The following CCDC148 variants were observed in gnomAD, a reference collection of about 807,000 sequenced individuals.
The protein encoded by CCDC148 is coiled-coil domain containing 148.
CCDC148 carries 89 observed loss-of-function variants against 85.7 expected under a neutral mutation model. That is an observed-to-expected ratio of 1.04 (90% CI 0.87 to 1.24). The LOEUF (loss-of-function observed/expected upper bound fraction) is 1.24, where lower values mean the gene tolerates loss of function less well. CCDC148 is among the 50% of genes most tolerant of loss of function. CCDC148 has a pLI of 0.00. For synonymous variants in CCDC148, 230 were observed against 213.9 expected (o/e 1.08, Z -0.66); for missense variants, 692 against 671.7 (o/e 1.03, Z -0.33).
chr2:158,216,828 G>A (rs1438629694), intron 11 of CCDC148, among the ~76,000 whole-genome samples: 1 of 151,968 alleles, frequency 6.6e-6, no homozygotes, highest in Non-Finnish European at 1.5e-5. Context: ...GATAGGAATC[G>A]CTTATATTTA....
At chr2:158,370,636 C>T (rs1482180145) in intron 1 of CCDC148, among the ~76,000 whole-genome samples, 1 of 151,798 alleles carries the variant, frequency 6.6e-6, no homozygotes, top group African/African-American at 2.4e-5. Context: ...CATTATAAAA[C>T]ATTATGGACT....
At chr2:158,419,569 T>C (rs990234370) in intron 1 of CCDC148, among the ~76,000 whole-genome samples, 5 of 152,196 alleles carry the variant, frequency 3.3e-5, no homozygotes, top group Admixed American at 6.5e-5. Flanking sequence ...ATTTGTAAAA[T>C]AGGATTAGTA....
At chr2:158,333,305 T>A (rs1693245804) in intron 7 of CCDC148, among the ~76,000 whole-genome samples, 1 of 152,230 alleles carries the variant, frequency 6.6e-6, no homozygotes, top group Admixed American at 6.5e-5. Context: ...GAGCAGGTTG[T>A]TCAGTTTCCA....
chr2:158,443,501 C>CAAAAAAAAAAAAAAAAAAGAA (rs1688025973), intron 1 of CCDC148, among the ~76,000 whole-genome samples: 1 of 59,334 alleles, frequency 1.7e-5, no homozygotes, highest in Non-Finnish European at 3.5e-5. Context: ...AAGTCTATCT[C>CAAAAAAAAAAAAAAAAAAGAA]AAAAAAAAAA....
In CCDC148 at chr2:158,250,820, T is replaced by C. The variant is rs750091068; in HGVS notation, c.1203A>G (p.Lys401=). ...RRREKEEEKE[K]LWKKKELLQR... ...GCAACAATTCCTTCTTCTTCCACAGTTTCTCTTTCTCCTCTTCCTTTTCTC... is the reference window on the plus strand; with the variant it reads ...GCAACAATTCCTTCTTCTTCCACAGCTTCTCTTTCTCCTCTTCCTTTTCTC... The change falls in exon 10 of 14, where the codon AAA becomes AAG. Residue 401 remains lysine, a synonymous_variant. Coordinates refer to ENST00000283233, the MANE Select transcript of CCDC148 (RefSeq NM_138803.4). 2 of 1,603,448 alleles carry C rather than the reference T, an allele frequency of 1.2e-6. No individual in the cohort carries two copies. The highest frequency in any genetic ancestry group is 1.7e-6 in the Non-Finnish European group (2 of 1,176,396).
intron 9 of CCDC148, among the ~76,000 whole-genome samples, chr2:158,306,817 T>TA (rs776168267): frequency 4.1e-5 from 6 of 145,588 alleles, no homozygotes; most frequent in Admixed American, 1.4e-4. Flanking sequence ...CCCTAGAACT[T>TA]AGAGTATAAT....
chr2:158,259,359 C>A (rs1289024854), intron 9 of CCDC148, among the ~76,000 whole-genome samples: 1 of 151,888 alleles, frequency 6.6e-6, no homozygotes, highest in Non-Finnish European at 1.5e-5. Context: ...AGAACAGGGA[C>A]CATAACTGAT....
At chr2:158,291,118 T>C (rs1343443942) in intron 9 of CCDC148, among the ~76,000 whole-genome samples, 6 of 152,022 alleles carry the variant, frequency 3.9e-5, no homozygotes, top group African/African-American at 1.2e-4. Context: ...TCCTCTTTTA[T>C]ATATATTTTG....
chr2:158,310,398 T>C (rs902102577), intron 8 of CCDC148, among the ~76,000 whole-genome samples: 2 of 152,208 alleles, frequency 1.3e-5, no homozygotes, highest in Admixed American at 1.3e-4. Context: ...GCGACAAAAC[T>C]GCCATCCTCA....
chr2:158,171,527 C>T lies in CCDC148; in HGVS notation c.*586G>A, dbSNP rs947790526. On this transcript the variant is annotated 3_prime_UTR_variant, in exon 14 of 14. Coordinates refer to ENST00000283233, the MANE Select transcript of CCDC148 (RefSeq NM_138803.4). ...TATTTCCAAACCAAAACAGATATTCCCATGCTTGAAATGCTATTTCTAATT... is the reference window on the plus strand; with the variant it reads ...TATTTCCAAACCAAAACAGATATTCTCATGCTTGAAATGCTATTTCTAATT... 6.6e-6 allele frequency: 1 copy of T among 151,612 alleles called. No individual in the cohort carries two copies. Among genetic ancestry groups the T allele is most frequent in the African/African-American group, 2.4e-5 (1 of 41,286 alleles). 9.4% of individuals were successfully genotyped at this position (151,612 alleles called of 1,614,324 possible).
In CCDC148 at chr2:158,338,922, A is replaced by G; in HGVS notation, c.583-15T>C. ...TGATCTAGAATCTGAAAAAAAGTATATGATTATTTTATTTAACATAAACGA... is the reference window on the plus strand; with the variant it reads ...TGATCTAGAATCTGAAAAAAAGTATGTGATTATTTTATTTAACATAAACGA... On this transcript the variant is annotated splice_polypyrimidine_tract_variant and intron_variant, in intron 6 of 13. Coordinates refer to ENST00000283233, the MANE Select transcript of CCDC148 (RefSeq NM_138803.4). 1 of 1,600,974 alleles carries G rather than the reference A, an allele frequency of 6.2e-7. No individual in the cohort carries two copies. Among genetic ancestry groups the G allele is most frequent in the Non-Finnish European group, 8.5e-7 (1 of 1,175,046 alleles).
intron 3 of CCDC148, among the ~76,000 whole-genome samples, chr2:158,344,130 G>T (rs1035496180): frequency 1.3e-5 from 2 of 151,818 alleles, no homozygotes; most frequent in African/African-American, 4.8e-5. Context: ...CTTCCTAATG[G>T]CTTTCCTTTT....
At chr2:158,292,613 A>C (rs1482008904) in intron 9 of CCDC148, among the ~76,000 whole-genome samples, 2 of 152,136 alleles carry the variant, frequency 1.3e-5, no homozygotes, top group African/African-American at 4.8e-5. Flanking sequence ...TCACTGCCTA[A>C]AGTTTCCCTA....
chr2:158,252,857 C>T (rs7573649), intron 9 of CCDC148, among the ~76,000 whole-genome samples: 72,111 of 146,300 alleles, frequency 0.49, 17,937 homozygotes, highest in South Asian at 0.7. Flanking sequence ...CTATGTTAAA[C>T]TCTTTAAGAC....
chr2:158,221,079 A>C (rs549381469), intron 10 of CCDC148, among the ~76,000 whole-genome samples: 2 of 152,344 alleles, frequency 1.3e-5, no homozygotes, highest in East Asian at 3.9e-4. Context: ...TTATCTTCTT[A>C]TGGTAATGCA....
intron 1 of CCDC148, among the ~76,000 whole-genome samples, chr2:158,359,233 A>G (rs1008371542): frequency 1.2e-4 from 18 of 152,330 alleles, no homozygotes; most frequent in African/African-American, 4.3e-4. Context: ...TAAATCGAAC[A>G]AAACATGTAC....
At position 158,200,255 on chromosome 2, in the gene CCDC148, T is replaced by G. The variant is rs1371305460; in HGVS notation, c.1370+20340A>C. Among the ~76,000 whole-genome samples the G allele has an allele frequency of 2.0e-5, 3 of 152,344 alleles. No individual in the cohort carries two copies. The East Asian group carries it at 5.8e-4, about 29-fold the overall frequency. ...CATGATATTAAGTTTTCTGAAGCAC[T>G]TAAGGAATGCTGTTTAATTTAAAGT... On this transcript the variant is annotated intron_variant, in intron 11 of 13. Transcript: ENST00000283233.
chr2:158,282,078 CG>C (rs1354324852), intron 9 of CCDC148, among the ~76,000 whole-genome samples: 1 of 151,410 alleles, frequency 6.6e-6, no homozygotes, highest in Non-Finnish European at 1.5e-5. Context: ...AATTCAACAA[CG>C]CTTCATGCTA....
chr2:158,299,263 C>T (rs1691336338), intron 9 of CCDC148, among the ~76,000 whole-genome samples: 1 of 152,174 alleles, frequency 6.6e-6, no homozygotes. Context: ...TGGTTCTCAG[C>T]CTTCTAGTGG....
Sources: gnomAD v4.1 joint callset for allele counts (sites outside exome capture counted in the v4.1 genomes callset) on GRCh38, gnomAD v4.1.1 for gene constraint, MANE v1.5 for transcripts, NCBI Gene and HGNC (gene_info 2026-07-23, HGNC 2026-07-21) for gene names.